Variants in UBR4 observed in about 807,000 individuals in gnomAD.
The protein encoded by UBR4 is ubiquitin protein ligase E3 component n-recognin 4, also known as E3 ubiquitin-protein ligase UBR4.
In UBR4, 124 loss-of-function variants were observed where a neutral mutation model predicts 575.6. The ratio of observed to expected loss-of-function variants is 0.22; its 90% CI spans 0.19 to 0.25. The LOEUF (loss-of-function observed/expected upper bound fraction) is 0.25, where lower values mean the gene tolerates loss of function less well. UBR4 is among the 10% of genes least tolerant of loss of function. The pLI is 1.00. For missense variants in UBR4, 4,818 were observed against 6,478.8 expected (o/e 0.74, Z 8.80); for synonymous variants, 2,455 against 2,473.7 (o/e 0.99, Z 0.22).
intron 1 of UBR4, among the ~76,000 whole-genome samples, 176 bp from the exon 2 acceptor site, chr1:19,201,991 A>C (rs952092028): frequency 5.3e-5 from 8 of 152,174 alleles, no homozygotes; most frequent in African/African-American, 1.9e-4. Context: ...TCAGGAGTTC[A>C]AGACCAGCTT....
At position 19,089,251 on chromosome 1, in the gene UBR4, C is replaced by G. The variant is rs2077290316; in HGVS notation, c.14212-274G>C. On this transcript the variant is annotated intron_variant, in intron 97 of 105. Coordinates refer to ENST00000375254, the MANE Select transcript of UBR4 (RefSeq NM_020765.3). This position sits in a 1 kb window ranked among gnomAD's most constrained non-coding sequence, Gnocchi z 4.3. ...CAAGGGCTGCTGTGATGACTAAAAA[C>G]TAGATAACATATGCAAAGCATCCAT... is the stretch of plus-strand genomic sequence containing the variant. Among the ~76,000 whole-genome samples the G allele has an allele frequency of 6.6e-6, 1 of 152,158 alleles. No homozygotes were observed. The highest frequency in any genetic ancestry group is 2.4e-5 in the African/African-American group (1 of 41,444).
chr1:19,209,952 C>T, intron 1 of UBR4, 121 bp downstream of exon 1: 1 of 1,340,022 alleles, frequency 7.5e-7, no homozygotes. Context: ...ACCCCGAAGC[C>T]GTGGCTGTGG....
At position 19,128,334 on chromosome 1, in the gene UBR4, A is replaced by G; in HGVS notation, c.9004-16T>C. On this transcript the variant is annotated splice_polypyrimidine_tract_variant and intron_variant, in intron 61 of 105. Transcript: ENST00000375254. ...TTAGAATGACCTAGAAGTCAAAGAC[A>G]GAAAACACAAAACCCAATTTCCTAA... 6.2e-7 allele frequency: 1 copy of G among 1,609,496 alleles called. No homozygotes were observed. Among genetic ancestry groups the G allele is most frequent in the Non-Finnish European group, 8.5e-7 (1 of 1,176,836 alleles).
chr1:19,204,113 C>T (rs566762916), intron 1 of UBR4, among the ~76,000 whole-genome samples: 27 of 152,348 alleles, frequency 1.8e-4, no homozygotes, highest in African/African-American at 6.5e-4. Flanking sequence ...ATTCTCCTGC[C>T]TCAGCCTCCT....
chr1:19,165,071 C>T, intron 31 of UBR4, 74 bp from the exon 32 acceptor site: 2 of 1,576,726 alleles, frequency 1.3e-6, no homozygotes, highest in Non-Finnish European at 1.7e-6. Context: ...AACTGTTGAG[C>T]CAGGAAAAGG....
Position 19,198,600 on chromosome 1 carries a change from G to C in UBR4, c.589C>G (p.Leu197Val), listed in dbSNP as rs1283129453. ...GTTCTAGGGTTAAAAACTGAGGTCA[G>C]CTGGTTCAAAAAATTCATCTGTACC... ...KEVQMNFLNQLTSVFNPRTVA... is the reference protein window; with the variant it reads ...KEVQMNFLNQVTSVFNPRTVA... The change falls in exon 5 of 106, where the codon CTG becomes GTG. Residue 197 changes from leucine (L) to valine (V), a missense_variant. By Grantham distance (32) the Leu-to-Val change is conservative. Coordinates refer to ENST00000375254, the MANE Select transcript of UBR4 (RefSeq NM_020765.3). The C allele has an allele frequency of 1.2e-6, 2 of 1,614,154 alleles. No homozygotes were observed. Among genetic ancestry groups the C allele is most frequent in the South Asian group, 2.2e-5 (2 of 91,082 alleles).
intron 43 of UBR4, 32 bp from the exon 44 acceptor site, chr1:19,155,107 T>C (rs2086263358): frequency 6.2e-7 from 1 of 1,610,540 alleles, no homozygotes; most frequent in East Asian, 2.2e-5. Context: ...TTTGCAGTAA[T>C]TCATGTTGCC....
At chr1:19,179,340 G>A (rs1418142407) in intron 17 of UBR4, 120 bp from the exon 18 acceptor site, 19 of 1,094,830 alleles carry the variant, frequency 1.7e-5, no homozygotes, top group Admixed American at 3.9e-5. Flanking sequence ...AAAGAAAGAA[G>A]GACCCAGAAA....
At position 19,161,171 on chromosome 1, in the gene UBR4, C is replaced by T. The variant is rs771903225; in HGVS notation, c.5176-24G>A. The T allele has an allele frequency of 7.5e-6, 12 of 1,607,528 alleles. No individual in the cohort carries two copies. In the East Asian group the frequency reaches 2.7e-4, roughly 36 times the overall value. ...GCCTAGGGACAGAAAATGTCAGAGT[C>T]CCTAAGTTCTTGCCTCAAGCACAGA... On this transcript the variant is annotated intron_variant, in intron 37 of 105. Coordinates refer to ENST00000375254, the MANE Select transcript of UBR4 (RefSeq NM_020765.3).
intron 65 of UBR4, 30 bp from the exon 66 acceptor site, chr1:19,123,090 A>C: frequency 1.2e-6 from 2 of 1,607,642 alleles, no homozygotes; most frequent in Non-Finnish European, 1.7e-6. Flanking sequence ...CAAAGAGTAA[A>C]TGACTCTGGG....
At chr1:19,177,403 T>C (rs746249064) in intron 19 of UBR4, 58 bp downstream of exon 19, 14 of 1,584,710 alleles carry the variant, frequency 8.8e-6, no homozygotes, top group African/African-American at 6.8e-5. Flanking sequence ...ATGGTAACCA[T>C]TGAGAAGAAT....
intron 17 of UBR4, among the ~76,000 whole-genome samples, chr1:19,183,194 T>C (rs1200588254): frequency 6.6e-6 from 1 of 152,248 alleles, no homozygotes; most frequent in Non-Finnish European, 1.5e-5. Context: ...CACTTATACT[T>C]CTTTTCATAT....
At chr1:19,166,911 C>A (rs899569899) in intron 29 of UBR4, 111 bp downstream of exon 29, 111 of 1,151,562 alleles carry the variant, frequency 9.6e-5, no homozygotes, top group Non-Finnish European at 1.2e-4. Flanking sequence ...AAAAAAAAAA[C>A]CACACACAAA....
chr1:19,134,399 C>A (rs900466168), intron 60 of UBR4, among the ~76,000 whole-genome samples: 2 of 152,164 alleles, frequency 1.3e-5, no homozygotes, highest in Non-Finnish European at 2.9e-5. Context: ...CCAGCCTGGG[C>A]AGGTGAGACT....
intron 25 of UBR4, 120 bp from the exon 26 acceptor site, chr1:19,171,003 G>T: frequency 7.4e-7 from 1 of 1,345,218 alleles, no homozygotes; most frequent in South Asian, 1.4e-5. Context: ...TAATGTAGTT[G>T]ATAGTGCCTG....
At chr1:19,190,312 A>AAAATAT in intron 11 of UBR4, among the ~76,000 whole-genome samples, 7 of 79,882 alleles carry the variant, frequency 8.8e-5, no homozygotes, top group African/African-American at 2.7e-4. Context: ...AAAAAAAAAA[A>AAAATAT]ATATATATAT....
At position 19,093,617 on chromosome 1, in the gene UBR4, T is replaced by C. The variant is rs930651239; in HGVS notation, c.13938-131A>G. ...AATTCCCTAACGTGACACAAAGACCTATCTGCCCCGGCTCCTGCCACTCTC... is the reference window on the plus strand; with the variant it reads ...AATTCCCTAACGTGACACAAAGACCCATCTGCCCCGGCTCCTGCCACTCTC... On this transcript the variant is annotated intron_variant, in intron 95 of 105. Transcript: ENST00000375254. This position sits in a 1 kb window ranked among gnomAD's most constrained non-coding sequence, Gnocchi z 4.8. The C allele has an allele frequency of 3.3e-5, 33 of 1,009,354 alleles. No homozygotes were observed. The East Asian group carries it at 8.6e-4, about 26-fold the overall frequency. The allele number at this position is 1,009,354 out of a possible 1,614,324, so 62.5% of individuals were successfully genotyped here. A position where few individuals can be genotyped will look rare whatever the true frequency, so the allele number is the denominator to read the frequency against.
At chr1:19,174,543 A>G in intron 21 of UBR4, 96 bp from the exon 22 acceptor site, 1 of 1,454,060 alleles carries the variant, frequency 6.9e-7, no homozygotes, top group East Asian at 2.4e-5. Flanking sequence ...TTGACAAAAT[A>G]TCCCATCAAA....
Position 19,174,447 on chromosome 1 carries a change from C to A in UBR4, c.2854G>T (p.Ala952Ser). ...EDDLNRLDSVACDVLFSKLVK... is the reference protein window; with the variant it reads ...EDDLNRLDSVSCDVLFSKLVK... ...AGCTTGGAGAAAAGGACGTCACATG[C>A]CTGACATCAAGAAAGAAAGAGAGTC... Residue 952 changes from alanine (A) to serine (S), a missense_variant and splice_region_variant, in exon 22 of 106, where the codon GCA becomes TCA. Coordinates refer to ENST00000375254, the MANE Select transcript of UBR4 (RefSeq NM_020765.3). The A allele has an allele frequency of 6.2e-7, 1 of 1,607,834 alleles. No individual in the cohort carries two copies. The highest frequency in any genetic ancestry group is 1.3e-5 in the African/African-American group (1 of 75,004).
Sources: allele counts gnomAD v4.1 joint callset (sites outside exome capture counted in the v4.1 genomes callset), GRCh38; gene constraint gnomAD v4.1.1; non-coding constraint Gnocchi (gnomAD v3.1); transcripts MANE v1.5; gene names NCBI Gene and HGNC (gene_info 2026-07-23, HGNC 2026-07-21).